CDH10: variants seen among roughly 807,000 people sequenced by gnomAD.
The protein encoded by CDH10 is cadherin 10.
A neutral mutation model predicts 73.1 loss-of-function variants in CDH10; 30 were observed. That is an observed-to-expected ratio of 0.41 (90% CI 0.31 to 0.56). The LOEUF (loss-of-function observed/expected upper bound fraction) is 0.56, where lower values mean the gene tolerates loss of function less well. Ranked by LOEUF, CDH10 falls within the 20% of genes least tolerant of loss-of-function variation. CDH10 has a pLI of 0.27. For missense variants in CDH10, 815 were observed against 973.7 expected (o/e 0.84, Z 2.17); for synonymous variants, 345 against 348.2 (o/e 0.99, Z 0.10).
At chr5:24,527,114 A>C (rs937856539) in intron 5 of CDH10, among the ~76,000 whole-genome samples, 1 of 150,638 alleles carries the variant, frequency 6.6e-6, no homozygotes, top group Non-Finnish European at 1.5e-5. Flanking sequence ...CACTAATCTT[A>C]TTGCATTACT....
At chr5:24,534,133 G>A (rs182290337) in intron 5 of CDH10, among the ~76,000 whole-genome samples, 4 of 152,034 alleles carry the variant, frequency 2.6e-5, no homozygotes, top group Admixed American at 2.0e-4. Flanking sequence ...TCTGAGCAAC[G>A]GCCTTTAATA....
chr5:24,626,326 A>C (rs925343240), intron 1 of CDH10, among the ~76,000 whole-genome samples: 1 of 152,112 alleles, frequency 6.6e-6, no homozygotes, highest in Non-Finnish European at 1.5e-5. Context: ...CCATTACATA[A>C]TTTGAAGCTT....
intron 9 of CDH10, among the ~76,000 whole-genome samples, chr5:24,493,643 ATAGG>A (rs1391564696): frequency 6.6e-6 from 1 of 151,890 alleles, no homozygotes; most frequent in African/African-American, 2.4e-5. Context: ...TATATATGTA[ATAGG>A]TAGGTTTTTT....
rs548123174 is a variant in CDH10 at position 24,618,836 on chromosome 5, T to G, written c.-123-25223A>C. Among the ~76,000 whole-genome samples the G allele has an allele frequency of 3.9e-5, 6 of 152,356 alleles. No individual in the cohort carries two copies. In the South Asian group the frequency reaches 1.2e-3, roughly 32 times the overall value. Reference sequence around the variant, plus strand: ...CTTTGTAGAGCTTATTTTATACTGGTATTAAATGACATATTAAGAAGCACC... The same window carrying G: ...CTTTGTAGAGCTTATTTTATACTGGGATTAAATGACATATTAAGAAGCACC... On this transcript the variant is annotated intron_variant, in intron 1 of 11. Coordinates refer to ENST00000264463, the MANE Select transcript of CDH10 (RefSeq NM_006727.5).
rs143831819 is a variant in CDH10, at chr5:24,572,056, T to C, written c.231+21204A>G. On this transcript the variant is annotated intron_variant, in intron 2 of 11. Transcript: ENST00000264463. Reference sequence around the variant, plus strand: ...AAAATCCACGTTTTTACTAATCTACTATTCAGGAAACAAGCAAACAAACAA... The same window carrying C: ...AAAATCCACGTTTTTACTAATCTACCATTCAGGAAACAAGCAAACAAACAA... Among the ~76,000 whole-genome samples, 38 of 151,694 alleles carry C rather than the reference T, an allele frequency of 2.5e-4. No homozygotes were observed. The East Asian group carries it at 7.0e-3, about 28-fold the overall frequency.
chr5:24,558,569 T>C (rs185703950), intron 2 of CDH10, among the ~76,000 whole-genome samples: 5,543 of 151,788 alleles, frequency 0.037, 189 homozygotes, highest in Middle Eastern at 0.11. Flanking sequence ...GAATACTGCA[T>C]TCAACTTCCA....
At chr5:24,515,446 G>A (rs10060811) in intron 5 of CDH10, among the ~76,000 whole-genome samples, 72,221 of 151,426 alleles carry the variant, frequency 0.48, 17,267 homozygotes, top group East Asian at 0.58. Context: ...TCCAGTGGAC[G>A]TATAGTGTGG....
intron 1 of CDH10, among the ~76,000 whole-genome samples, chr5:24,610,464 T>A (rs188055414): frequency 4.2e-4 from 64 of 152,288 alleles, no homozygotes; most frequent in African/African-American, 1.4e-3. Flanking sequence ...ATTTAAATAT[T>A]AATGTGTTTT....
chr5:24,605,346 A>G (rs1218287550), intron 1 of CDH10, among the ~76,000 whole-genome samples: 3 of 152,198 alleles, frequency 2.0e-5, no homozygotes, highest in Non-Finnish European at 4.4e-5. Flanking sequence ...GTCAGATCCA[A>G]TCAGCAGTAG....
chr5:24,564,978 G>A (rs1171084178), intron 2 of CDH10, among the ~76,000 whole-genome samples: 1 of 152,050 alleles, frequency 6.6e-6, no homozygotes, highest in Non-Finnish European at 1.5e-5. Context: ...GACTCTGAAT[G>A]CCCTCACCAG....
intron 2 of CDH10, among the ~76,000 whole-genome samples, chr5:24,557,955 C>A (rs1744822598): frequency 6.6e-6 from 1 of 151,708 alleles, no homozygotes; most frequent in Non-Finnish European, 1.5e-5. Context: ...TGGCTTAAAA[C>A]TTTCAACCAC....
chr5:24,516,163 A>T (rs1384308388), intron 5 of CDH10, among the ~76,000 whole-genome samples: 1 of 152,196 alleles, frequency 6.6e-6, no homozygotes, highest in Admixed American at 6.5e-5. Flanking sequence ...TGTTCTTGTC[A>T]TTAGATTAAA....
intron 1 of CDH10, among the ~76,000 whole-genome samples, chr5:24,602,177 T>C (rs1274022591): frequency 2.0e-5 from 3 of 152,166 alleles, no homozygotes; most frequent in Non-Finnish European, 4.4e-5. Flanking sequence ...TTCACACTTA[T>C]TAAAGGCAGT....
chr5:24,497,367 G>C (rs1742329488), intron 9 of CDH10, among the ~76,000 whole-genome samples: 1 of 151,788 alleles, frequency 6.6e-6, no homozygotes, highest in Non-Finnish European at 1.5e-5. Flanking sequence ...GATTTGGAAT[G>C]GTATTTTTGG....
chr5:24,491,333 A>G (rs1367113217), intron 11 of CDH10, among the ~76,000 whole-genome samples: 2 of 151,792 alleles, frequency 1.3e-5, no homozygotes, highest in African/African-American at 4.8e-5. Flanking sequence ...ATTTTGATTC[A>G]CACTGGAATG....
At chr5:24,600,417 G>A (rs1241220122) in intron 1 of CDH10, among the ~76,000 whole-genome samples, 4 of 152,036 alleles carry the variant, frequency 2.6e-5, no homozygotes, top group African/African-American at 9.7e-5. Context: ...ATGGAGCCAT[G>A]AATTCTGTTG....
intron 2 of CDH10, among the ~76,000 whole-genome samples, chr5:24,562,477 T>C (rs534936423): frequency 6.6e-6 from 1 of 152,232 alleles, no homozygotes; most frequent in South Asian, 2.1e-4. Context: ...GATTTTCCTA[T>C]AATCATACTG....
intron 5 of CDH10, among the ~76,000 whole-genome samples, chr5:24,519,979 C>A (rs1743254613): frequency 6.6e-6 from 1 of 152,160 alleles, no homozygotes; most frequent in Non-Finnish European, 1.5e-5. Flanking sequence ...TACCATTGCA[C>A]CCCATCTCCT....
intron 1 of CDH10, among the ~76,000 whole-genome samples, chr5:24,596,622 A>G (rs1044545800): frequency 3.3e-5 from 5 of 151,924 alleles, no homozygotes; most frequent in African/African-American, 7.2e-5. Context: ...AATATCCGAA[A>G]CCAGATAATT....
Sources: allele counts gnomAD v4.1 joint callset (sites outside exome capture counted in the v4.1 genomes callset), GRCh38; gene constraint gnomAD v4.1.1; transcripts MANE v1.5; gene names NCBI Gene and HGNC (gene_info 2026-07-23, HGNC 2026-07-21).